ME2: variants seen among roughly 807,000 people sequenced by gnomAD.
ME2 encodes malic enzyme 2, also known as NAD-dependent malic enzyme, mitochondrial.
ME2 carries 60 observed loss-of-function variants against 73.7 expected under a neutral mutation model. The ratio of observed to expected loss-of-function variants is 0.81; its 90% CI spans 0.66 to 1.01. The LOEUF (loss-of-function observed/expected upper bound fraction) is 1.01. ME2 is among the 50% of genes least tolerant of loss of function. ME2 has a pLI of 0.00. For missense variants in ME2, 594 were observed against 705.5 expected (o/e 0.84, Z 1.79); for synonymous variants, 199 against 236.9 (o/e 0.84, Z 1.47).
chr18:50,932,493 C>G, intron 13 of ME2, 133 bp downstream of exon 13: 2 of 513,410 alleles, frequency 3.9e-6, no homozygotes. Context: ...CAAGGAAACT[C>G]AAGGAATTCA....
rs1011309763 is a variant in ME2, at chr18:50,952,002, C to T, written c.*4818C>T. 2 of 150,838 alleles carry T rather than the reference C, an allele frequency of 1.3e-5. No homozygotes were observed. The highest frequency in any genetic ancestry group is 4.9e-5 in the African/African-American group (2 of 40,924). 9.3% of individuals were successfully genotyped at this position (150,838 alleles called of 1,614,324 possible). A position where few individuals can be genotyped will look rare whatever the true frequency, so the allele number is the denominator to read the frequency against. On this transcript the variant is annotated 3_prime_UTR_variant, in exon 16 of 16. Coordinates refer to ENST00000321341, the MANE Select transcript of ME2 (RefSeq NM_002396.5). ...TATAAACCCATAGCTCTTTACTGGG[C>T]TTCCATTTAAAGGGAAGTCCTAAGA...
intron 1 of ME2, among the ~76,000 whole-genome samples, chr18:50,891,163 G>C (rs1331683946): frequency 1.3e-5 from 2 of 152,208 alleles, no homozygotes; most frequent in African/African-American, 4.8e-5. Context: ...AGGCAAAAAT[G>C]TCTGAATTAT....
intron 4 of ME2, chr18:50,915,665 A>G (rs1917267993): frequency 2.0e-5 from 3 of 152,216 alleles, no homozygotes; most frequent in African/African-American, 7.2e-5. Context: ...AATTTTTGCC[A>G]ATTAAAAAAT....
chr18:50,929,534 G>A (rs893180506), intron 12 of ME2, among the ~76,000 whole-genome samples: 2 of 149,946 alleles, frequency 1.3e-5, no homozygotes, highest in African/African-American at 2.4e-5. Flanking sequence ...GTTGACACAT[G>A]TATTCTCTCA....
At chr18:50,943,744 A>G (rs1183415116) in intron 15 of ME2, among the ~76,000 whole-genome samples, 1 of 152,182 alleles carries the variant, frequency 6.6e-6, no homozygotes, top group Non-Finnish European at 1.5e-5. Context: ...AGAAAATTTG[A>G]AAGTTATATT....
chr18:50,941,320 CA>C (rs896066502), intron 15 of ME2, among the ~76,000 whole-genome samples: 3 of 136,096 alleles, frequency 2.2e-5, no homozygotes, highest in Admixed American at 2.2e-4. Flanking sequence ...TCTGTCTTTA[CA>C]GATAAATCTT....
chr18:50,913,884 C>CACACAA (rs1400752416), intron 4 of ME2, among the ~76,000 whole-genome samples: 1 of 152,026 alleles, frequency 6.6e-6, no homozygotes, highest in Non-Finnish European at 1.5e-5. Context: ...CACACACACA[C>CACACAA]ACACACATAT....
chr18:50,887,826 AGAGAC>A (rs1916508978), intron 1 of ME2, among the ~76,000 whole-genome samples: 1 of 152,248 alleles, frequency 6.6e-6, no homozygotes, highest in East Asian at 1.9e-4. Flanking sequence ...ATGCCATGAA[AGAGAC>A]TGAAAATTTA....
intron 4 of ME2, among the ~76,000 whole-genome samples, chr18:50,914,329 A>G (rs76624846): frequency 0.026 from 4,026 of 152,306 alleles, 86 homozygotes; most frequent in Middle Eastern, 0.041. Context: ...TGATTAAAAG[A>G]TAGAGAGAAA....
At chr18:50,891,572 A>G (rs1916605788) in intron 1 of ME2, among the ~76,000 whole-genome samples, 1 of 152,188 alleles carries the variant, frequency 6.6e-6, no homozygotes, top group Admixed American at 6.5e-5. Flanking sequence ...GTAGCTTTGC[A>G]GGTTTAGAAT....
At chr18:50,909,257 C>T (rs1292265225) in intron 3 of ME2, among the ~76,000 whole-genome samples, 2 of 152,184 alleles carry the variant, frequency 1.3e-5, no homozygotes, top group Non-Finnish European at 2.9e-5. Flanking sequence ...AGCCACTGCA[C>T]CAGGCAGCAA....
chr18:50,919,642 T>C (rs1917373995), intron 7 of ME2, among the ~76,000 whole-genome samples: 1 of 152,186 alleles, frequency 6.6e-6, no homozygotes, highest in South Asian at 2.1e-4. Context: ...CTTCGTATCA[T>C]AGTAGCCTCC....
rs1918208977 is a variant in ME2 at position 50,950,824 on chromosome 18, C to G, written c.*3640C>G. On this transcript the variant is annotated 3_prime_UTR_variant, in exon 16 of 16. Coordinates refer to ENST00000321341, the MANE Select transcript of ME2 (RefSeq NM_002396.5). ...ACTTCTGACAAGCTCCCAGGTGATG[C>G]CTATGCTGCTGGTACAGTGAACAAC... The G allele has an allele frequency of 6.6e-6, 1 of 152,170 alleles. No homozygotes were observed. The highest frequency in any genetic ancestry group is 2.1e-4 in the South Asian group (1 of 4,822). The allele number at this position is 152,170 out of a possible 1,614,324, so 9.4% of individuals were successfully genotyped here.
At chr18:50,927,607 C>T (rs929559793) in intron 12 of ME2, among the ~76,000 whole-genome samples, 1 of 150,506 alleles carries the variant, frequency 6.6e-6, no homozygotes, top group Non-Finnish European at 1.5e-5. Flanking sequence ...GAGGCTGAGG[C>T]AGGAGAATGG....
intron 1 of ME2, among the ~76,000 whole-genome samples, chr18:50,891,987 G>T (rs1267067272): frequency 3.6e-5 from 5 of 140,160 alleles, no homozygotes; most frequent in Non-Finnish European, 7.4e-5. Context: ...TGTGTGTGTG[G>T]GTTTTTTTTT....
intron 4 of ME2, among the ~76,000 whole-genome samples, chr18:50,914,674 A>G (rs1399510321): frequency 1.3e-5 from 2 of 152,176 alleles, no homozygotes; most frequent in East Asian, 1.9e-4. Context: ...AGATGATTCC[A>G]TTATATAGCC....
At chr18:50,932,888 T>A (rs1917731893) in intron 13 of ME2, 1 of 152,518 alleles carries the variant, frequency 6.6e-6, no homozygotes, top group Non-Finnish European at 1.5e-5. Context: ...ACTCCTGACC[T>A]CAGGTGTTCT....
At chr18:50,879,475 C>CT (rs1671282419) in intron 1 of ME2, among the ~76,000 whole-genome samples, 167 bp downstream of exon 1, 1 of 152,130 alleles carries the variant, frequency 6.6e-6, no homozygotes, top group Non-Finnish European at 1.5e-5. Flanking sequence ...GGGAAGCGGT[C>CT]TGCGGAGTCC....
At position 50,920,770 on chromosome 18, in the gene ME2, A is replaced by C. The variant is rs1917407605; in HGVS notation, c.942+12A>C. 1.9e-6 allele frequency: 3 copies of C among 1,581,228 alleles called. No homozygotes were observed. Among genetic ancestry groups the C allele is most frequent in the East Asian group, 4.5e-5 (2 of 44,690 alleles). On this transcript the variant is annotated intron_variant, in intron 9 of 15. Coordinates refer to ENST00000321341, the MANE Select transcript of ME2 (RefSeq NM_002396.5). Reference sequence around the variant, plus strand: ...TTGGAGCAGGAGAGGTAAGTTTTGAAGGCTTTTTGAAACTTAAGCCTATCC... The same window carrying C: ...TTGGAGCAGGAGAGGTAAGTTTTGACGGCTTTTTGAAACTTAAGCCTATCC...
Sources: gnomAD v4.1 joint callset for allele counts (sites outside exome capture counted in the v4.1 genomes callset) on GRCh38, gnomAD v4.1.1 for gene constraint, MANE v1.5 for transcripts, NCBI Gene and HGNC (gene_info 2026-07-23, HGNC 2026-07-21) for gene names.